CHODL: variants seen among roughly 807,000 people sequenced by gnomAD.
CHODL encodes chondrolectin, also known as transmembrane protein MT75.
Under a neutral mutation model 34.5 loss-of-function variants are expected in CHODL, and 29 were observed. The ratio of observed to expected loss-of-function variants is 0.84; its 90% CI spans 0.63 to 1.15. The LOEUF (loss-of-function observed/expected upper bound fraction) is 1.15, where lower values mean the gene tolerates loss of function less well. Ranked by LOEUF, CHODL falls within the 50% of genes most tolerant of loss-of-function variation. The pLI is 0.00. For synonymous variants in CHODL, 125 were observed against 116.1 expected, an observed-to-expected ratio of 1.08 and a Z score of -0.49; for missense variants, 332 against 332.5, an observed-to-expected ratio of 1.00 and a Z score of 0.01.
chr21:18,192,279 C>A (rs896002883), intron 2 of CHODL, among the ~76,000 whole-genome samples: 3 of 152,144 alleles, frequency 2.0e-5, no homozygotes, highest in African/African-American at 7.2e-5. Context: ...GAAGGGTATC[C>A]AGACATTCAC....
intron 2 of CHODL, among the ~76,000 whole-genome samples, chr21:18,219,726 T>C (rs1005449743): frequency 6.6e-6 from 1 of 152,174 alleles, no homozygotes; most frequent in African/African-American, 2.4e-5. Context: ...GTATGTCTTC[T>C]TTTGAGATAT....
intron 2 of CHODL, among the ~76,000 whole-genome samples, chr21:18,226,164 C>CT (rs2073929407): frequency 6.6e-6 from 1 of 152,086 alleles, no homozygotes; most frequent in Admixed American, 6.6e-5. Context: ...TGAGAAAAAA[C>CT]TGAAGTGTAT....
intron 2 of CHODL, among the ~76,000 whole-genome samples, chr21:18,213,332 C>A (rs995727055): frequency 2.2e-4 from 34 of 152,162 alleles, no homozygotes; most frequent in African/African-American, 8.2e-4. Context: ...AGAAAGAAAT[C>A]TTTCCTGACC....
At chr21:18,257,430 T>G (rs549477325) in intron 3 of CHODL, among the ~76,000 whole-genome samples, 27 of 152,148 alleles carry the variant, frequency 1.8e-4, no homozygotes, top group Non-Finnish European at 3.7e-4. Flanking sequence ...AATAAATATT[T>G]TAAAATATTT....
At chr21:18,043,464 C>T (rs1415543620) in intron 2 of CHODL, among the ~76,000 whole-genome samples, 1 of 151,868 alleles carries the variant, frequency 6.6e-6, no homozygotes, top group African/African-American at 2.4e-5. Context: ...GTTCCATGAA[C>T]ACAGAATTCC....
chr21:18,015,897 A>T (rs1379749486), intron 1 of CHODL, among the ~76,000 whole-genome samples: 1 of 152,170 alleles, frequency 6.6e-6, no homozygotes, highest in Non-Finnish European at 1.5e-5. Context: ...CTTAGAAATG[A>T]TGTGGCCCAG....
At chr21:18,058,016 A>C (rs1333832160) in intron 2 of CHODL, among the ~76,000 whole-genome samples, 1 of 152,104 alleles carries the variant, frequency 6.6e-6, no homozygotes, top group Non-Finnish European at 1.5e-5. Flanking sequence ...GAAAGATTCT[A>C]TACATTATTG....
At chr21:17,927,844 A>G (rs1015035332) in intron 1 of CHODL, among the ~76,000 whole-genome samples, 5 of 152,242 alleles carry the variant, frequency 3.3e-5, no homozygotes, top group Admixed American at 6.5e-5. Flanking sequence ...TGTTAAATGA[A>G]TAAAGACCTC....
intron 2 of CHODL, among the ~76,000 whole-genome samples, chr21:18,182,927 A>G (rs970831500): frequency 1.3e-5 from 2 of 152,176 alleles, no homozygotes; most frequent in African/African-American, 2.4e-5. Context: ...CCCAAAGTAT[A>G]TGGAGGTAGG....
chr21:18,056,995 A>G (rs1600946088), intron 2 of CHODL, among the ~76,000 whole-genome samples: 1 of 152,106 alleles, frequency 6.6e-6, no homozygotes, highest in African/African-American at 2.4e-5. Flanking sequence ...TTCTAAATGT[A>G]TAGGTAGGGA....
At chr21:18,188,599 A>T (rs971043997) in intron 2 of CHODL, among the ~76,000 whole-genome samples, 1 of 152,252 alleles carries the variant, frequency 6.6e-6, no homozygotes, top group African/African-American at 2.4e-5. Flanking sequence ...CATCAGAAGC[A>T]ACTTCCTGAA....
At chr21:18,169,066 C>G (rs981419891) in intron 2 of CHODL, among the ~76,000 whole-genome samples, 1 of 151,884 alleles carries the variant, frequency 6.6e-6, no homozygotes, top group Non-Finnish European at 1.5e-5. Context: ...TCCTCTTCAT[C>G]TTTTTTTGCA....
At chr21:18,094,396 T>C (rs1389934357) in intron 2 of CHODL, among the ~76,000 whole-genome samples, 3 of 152,170 alleles carry the variant, frequency 2.0e-5, no homozygotes, top group Admixed American at 2.0e-4. Context: ...TTTTATCCAA[T>C]GGCTACAGAA....
At chr21:17,976,995 T>G (rs1399062946) in intron 1 of CHODL, among the ~76,000 whole-genome samples, 1 of 152,210 alleles carries the variant, frequency 6.6e-6, no homozygotes, top group Non-Finnish European at 1.5e-5. Flanking sequence ...CTAGCCACAC[T>G]GTAGTAGAAA....
chr21:18,174,123 GTATATA>G lies in CHODL; in HGVS notation c.-44-82353_-44-82348del, dbSNP rs1159511070. Among the ~76,000 whole-genome samples, 80 of 21,558 alleles carry G rather than the reference GTATATA, an allele frequency of 3.7e-3. 2 individuals carry two copies. The highest frequency in any genetic ancestry group is 6.0e-3 in the Admixed American group (13 of 2,168). The allele number at this position is 21,558 out of a possible 152,430, so 14.1% of individuals were successfully genotyped here. A position where few individuals can be genotyped will look rare whatever the true frequency, so the allele number is the denominator to read the frequency against. ...GATATATATATATATATATCTTGGT[GTATATA>G]TATATATATATATATATATATATAT... is the stretch of plus-strand genomic sequence containing the variant. On this transcript the variant is annotated intron_variant, in intron 2 of 6. Transcript: ENST00000400127.
chr21:17,951,107 C>CGTGTGTGTGTGT (rs3073722), intron 1 of CHODL, among the ~76,000 whole-genome samples: 23 of 149,132 alleles, frequency 1.5e-4, no homozygotes, highest in African/African-American at 4.4e-4. Flanking sequence ...TTACTCTATA[C>CGTGTGTGTGTGT]GTGTGTGTGT....
intron 1 of CHODL, among the ~76,000 whole-genome samples, chr21:17,990,266 T>C (rs1185052884): frequency 6.6e-6 from 1 of 152,130 alleles, no homozygotes; most frequent in Non-Finnish European, 1.5e-5. Flanking sequence ...TGAGTCTCTG[T>C]TTCTGTCTTT....
chr21:18,265,997 A>C lies in CHODL; in HGVS notation c.781A>C (p.Ile261Leu), dbSNP rs748988177. ...TAGTCCAAACCAGTCTACACTGTGGATTTCAAAGAGTACCAGAAAAGAAAG... is the reference window on the plus strand; with the variant it reads ...TAGTCCAAACCAGTCTACACTGTGGCTTTCAAAGAGTACCAGAAAAGAAAG... ...KTSPNQSTLW[I>L]SKSTRKESGM... The change falls in exon 6 of 6, where the codon ATT becomes CTT. Residue 261 changes from isoleucine to leucine, a missense_variant. By Grantham distance (5) the Ile-to-Leu change is conservative. Coordinates refer to ENST00000299295, the MANE Select transcript of CHODL (RefSeq NM_024944.3). 2.1e-5 allele frequency: 34 copies of C among 1,613,596 alleles called. No homozygotes were observed. The highest frequency in any genetic ancestry group is 3.3e-5 in the Admixed American group (2 of 59,988).
chr21:18,136,764 A>G (rs1208339066), intron 2 of CHODL, among the ~76,000 whole-genome samples: 2 of 146,790 alleles, frequency 1.4e-5, no homozygotes, highest in Non-Finnish European at 3.0e-5. Context: ...GTATACACAT[A>G]CATACACACA....
Sources: allele counts gnomAD v4.1 joint callset (sites outside exome capture counted in the v4.1 genomes callset), GRCh38; gene constraint gnomAD v4.1.1; transcripts MANE v1.5; gene names NCBI Gene and HGNC (gene_info 2026-07-23, HGNC 2026-07-21).